LRRIQ1: variants seen among roughly 807,000 people sequenced by gnomAD.
LRRIQ1 encodes leucine rich repeats and IQ motif containing 1.
Under a neutral mutation model 211.9 loss-of-function variants are expected in LRRIQ1, and 210 were observed. The observed-to-expected ratio is 0.99, with a 90% CI of 0.89 to 1.11. LRRIQ1 has a LOEUF of 1.11. Among genes scored for constraint, LRRIQ1 ranks in the 50% most tolerant of loss-of-function variants. The probability of loss-of-function intolerance (pLI) is 0.00; values close to 1 mark genes in which losing one functional copy is unlikely to be tolerated. For missense variants in LRRIQ1, 2,136 were observed against 1,939.5 expected (o/e 1.10, Z -1.90); for synonymous variants, 699 against 650.1 (o/e 1.08, Z -1.14).
At chr12:85,061,365 G>A (rs765017513) in intron 8 of LRRIQ1, among the ~76,000 whole-genome samples, 1 of 151,458 alleles carries the variant, frequency 6.6e-6, no homozygotes, top group African/African-American at 2.4e-5. Flanking sequence ...GTCGAGTAGG[G>A]GACTATATTG....
chr12:85,172,161 G>A (rs1891450631), intron 24 of LRRIQ1, among the ~76,000 whole-genome samples: 1 of 152,160 alleles, frequency 6.6e-6, no homozygotes, highest in Admixed American at 6.6e-5. Context: ...CACAGAGAAA[G>A]TAGGGAAGAA....
chr12:85,109,714 C>T (rs1370873439), intron 15 of LRRIQ1, among the ~76,000 whole-genome samples: 1 of 152,114 alleles, frequency 6.6e-6, no homozygotes, highest in Non-Finnish European at 1.5e-5. Flanking sequence ...GTTCAGTAAT[C>T]TGTACTTTAA....
At chr12:85,242,560 C>T (rs902101953) in intron 26 of LRRIQ1, among the ~76,000 whole-genome samples, 28 of 151,804 alleles carry the variant, frequency 1.8e-4, no homozygotes, top group Admixed American at 6.6e-5. Flanking sequence ...TACTGAGGAA[C>T]GACTGTATAT....
intron 24 of LRRIQ1, among the ~76,000 whole-genome samples, chr12:85,220,972 C>A (rs1454667892): frequency 6.6e-6 from 1 of 151,674 alleles, no homozygotes. Flanking sequence ...ACCACACACC[C>A]GGCTAATTTT....
chr12:85,182,684 G>A (rs1474046625), intron 24 of LRRIQ1, among the ~76,000 whole-genome samples: 1 of 152,018 alleles, frequency 6.6e-6, no homozygotes, highest in African/African-American at 2.4e-5. Flanking sequence ...GGAATTAATG[G>A]CTCTCCACCA....
Position 85,244,815 on chromosome 12 carries a change from G to A in LRRIQ1, c.5043G>A (p.Thr1681=), listed in dbSNP as rs754449696. ...LVARLVSRED[T]DLDLFSMTNG... ...CAAGACTTGTAAGCAGAGAAGACAC[G>A]GATTTAGACCTTTTTTCCATGACCA... is the stretch of plus-strand genomic sequence containing the variant. Residue 1681 remains threonine (T), a synonymous_variant, in exon 27 of 27, where the codon ACG becomes ACA. Transcript: ENST00000393217. 1.2e-5 allele frequency: 20 copies of A among 1,611,182 alleles called. No individual in the cohort carries two copies. In the South Asian group the frequency reaches 1.5e-4, roughly 12 times the overall value.
intron 11 of LRRIQ1, among the ~76,000 whole-genome samples, chr12:85,091,225 T>G (rs373555744): frequency 5.9e-5 from 9 of 152,302 alleles, no homozygotes; most frequent in African/African-American, 2.2e-4. Context: ...CAGTTAAACC[T>G]CTTTTATTTA....
intron 15 of LRRIQ1, among the ~76,000 whole-genome samples, chr12:85,120,662 C>G (rs529739895): frequency 6.6e-6 from 1 of 152,164 alleles, no homozygotes; most frequent in Non-Finnish European, 1.5e-5. Context: ...ATCCATGAAC[C>G]CCCCCAGTGG....
chr12:85,137,991 T>C, intron 19 of LRRIQ1, 22 bp downstream of exon 19: 1 of 1,248,672 alleles, frequency 8.0e-7, no homozygotes, highest in Non-Finnish European at 1.1e-6. Context: ...CTATAGTATA[T>C]AAATATTGGT....
At chr12:85,057,594 C>T (rs1398986435) in intron 8 of LRRIQ1, among the ~76,000 whole-genome samples, 1 of 152,036 alleles carries the variant, frequency 6.6e-6, no homozygotes, top group Non-Finnish European at 1.5e-5. Context: ...ATTTTATGTC[C>T]ATGACCACTG....
At chr12:85,128,886 C>T (rs1309220878) in intron 18 of LRRIQ1, among the ~76,000 whole-genome samples, 1 of 152,138 alleles carries the variant, frequency 6.6e-6, no homozygotes, top group Non-Finnish European at 1.5e-5. Context: ...CCGAGCACAA[C>T]ATGGATGGAT....
chr12:85,118,881 A>C (rs1425691291), intron 15 of LRRIQ1, among the ~76,000 whole-genome samples: 2 of 152,016 alleles, frequency 1.3e-5, no homozygotes, highest in African/African-American at 4.8e-5. Flanking sequence ...TAGAGTAGTC[A>C]TAGGTTAACA....
intron 24 of LRRIQ1, among the ~76,000 whole-genome samples, chr12:85,179,828 C>T (rs1891890479): frequency 6.6e-6 from 1 of 151,908 alleles, no homozygotes; most frequent in Non-Finnish European, 1.5e-5. Context: ...GTCCATGTCT[C>T]TGTAACATCG....
intron 11 of LRRIQ1, among the ~76,000 whole-genome samples, chr12:85,075,580 A>G (rs188206422): frequency 3.9e-5 from 6 of 152,154 alleles, no homozygotes; most frequent in Admixed American, 2.6e-4. Flanking sequence ...TGAGAACTCT[A>G]TCTCCAAGAC....
Position 85,046,150 on chromosome 12 carries a change from G to T in LRRIQ1, c.454+13G>T. On this transcript the variant is annotated intron_variant, in intron 5 of 26. Coordinates refer to ENST00000393217, the MANE Select transcript of LRRIQ1 (RefSeq NM_001079910.2). ...CATGTTTTACCAGGTGGACTAAATTGCTCAATGATATGTTTGTTGATTTTT... is the reference window on the plus strand; with the variant it reads ...CATGTTTTACCAGGTGGACTAAATTTCTCAATGATATGTTTGTTGATTTTT... The T allele has an allele frequency of 6.9e-7, 1 of 1,447,998 alleles. No individual in the cohort carries two copies. The highest frequency in any genetic ancestry group is 9.6e-7 in the Non-Finnish European group (1 of 1,039,656). 89.7% of individuals were successfully genotyped at this position (1,447,998 alleles called of 1,614,324 possible).
chr12:85,226,422 G>T (rs985434460), intron 24 of LRRIQ1, among the ~76,000 whole-genome samples: 3 of 152,068 alleles, frequency 2.0e-5, no homozygotes, highest in Admixed American at 2.0e-4. Flanking sequence ...CAGATCAGTA[G>T]CTGGGGTTTT....
intron 24 of LRRIQ1, among the ~76,000 whole-genome samples, chr12:85,221,870 A>G (rs1894417515): frequency 6.6e-6 from 1 of 152,202 alleles, no homozygotes; most frequent in African/African-American, 2.4e-5. Context: ...TTTGTACTTT[A>G]GCAAGATCAT....
At chr12:85,257,056 A>AATTATATAAATATATATAATTAT (rs1896120499) in intron 1 of LRRIQ1, among the ~76,000 whole-genome samples, 1 of 117,780 alleles carries the variant, frequency 8.5e-6, no homozygotes, top group African/African-American at 3.2e-5. Flanking sequence ...TTATATATAT[A>AATTATATAAATATATATAATTAT]ATTATATAAT....
chr12:85,098,297 T>C lies in LRRIQ1; in HGVS notation c.2888-58T>C, dbSNP rs1886067725. 3.6e-5 allele frequency: 42 copies of C among 1,164,158 alleles called. No homozygotes were observed. In the South Asian group the frequency reaches 5.8e-4, roughly 16 times the overall value. The allele number at this position is 1,164,158 out of a possible 1,614,324, so 72.1% of individuals were successfully genotyped here. A position where few individuals can be genotyped will look rare whatever the true frequency, so the allele number is the denominator to read the frequency against. ...TTATTTAGAAAAAAAATGGAAACTTTCTTCTAGAGTCTGGAAGACTGTATG... is the reference window on the plus strand; with the variant it reads ...TTATTTAGAAAAAAAATGGAAACTTCCTTCTAGAGTCTGGAAGACTGTATG... On this transcript the variant is annotated intron_variant, in intron 11 of 26. Coordinates refer to ENST00000393217, the MANE Select transcript of LRRIQ1 (RefSeq NM_001079910.2).
Sources: gnomAD v4.1 joint callset for allele counts (sites outside exome capture counted in the v4.1 genomes callset) on GRCh38, gnomAD v4.1.1 for gene constraint, MANE v1.5 for transcripts, NCBI Gene and HGNC (gene_info 2026-07-23, HGNC 2026-07-21) for gene names.